Variants in RNFT2 observed in about 807,000 individuals in gnomAD.
The protein encoded by RNFT2 is E3 ubiquitin-protein ligase RNFT2.
Under a neutral mutation model 53.0 loss-of-function variants are expected in RNFT2, and 36 were observed. That is an observed-to-expected ratio of 0.68 (90% CI 0.52 to 0.90). The LOEUF (loss-of-function observed/expected upper bound fraction) is 0.90, where lower values mean the gene tolerates loss of function less well. Ranked by LOEUF, RNFT2 falls within the 40% of genes least tolerant of loss-of-function variation. The pLI is 0.00. For missense variants in RNFT2, 514 were observed against 585.6 expected (o/e 0.88, Z 1.26); for synonymous variants, 260 against 253.2 (o/e 1.03, Z -0.26).
At chr12:116,820,236 G>A (rs752088757) in intron 7 of RNFT2, among the ~76,000 whole-genome samples, 2 of 152,144 alleles carry the variant, frequency 1.3e-5, no homozygotes, top group African/African-American at 2.4e-5. Flanking sequence ...GTCTACAGGC[G>A]TGCGCCATCA....
intron 7 of RNFT2, among the ~76,000 whole-genome samples, chr12:116,799,509 C>T (rs1874663022): frequency 1.3e-5 from 2 of 152,164 alleles, no homozygotes; most frequent in Admixed American, 1.3e-4. Flanking sequence ...GCCCACCGCA[C>T]TATCTCAGAG....
chr12:116,788,066 T>C (rs927348017), intron 7 of RNFT2, among the ~76,000 whole-genome samples: 2 of 152,194 alleles, frequency 1.3e-5, no homozygotes, highest in Non-Finnish European at 2.9e-5. Context: ...AAGCTGGGAT[T>C]ACAGGCATGC....
rs1178996871 is a variant in RNFT2, at chr12:116,853,242, A to G, written c.*3794A>G. On this transcript the variant is annotated 3_prime_UTR_variant, in exon 11 of 11. Coordinates refer to ENST00000257575, the MANE Select transcript of RNFT2 (RefSeq NM_001382266.1). ...TCTCTTTTATGTATCTTGGTTCTGC[A>G]ACTCATTTGTTGTAAGTAGGGTTAA... The G allele has an allele frequency of 2.5e-6, 1 of 398,892 alleles. No individual in the cohort carries two copies. Among genetic ancestry groups the G allele is most frequent in the Non-Finnish European group, 4.4e-6 (1 of 226,366 alleles). 24.7% of individuals were successfully genotyped at this position (398,892 alleles called of 1,614,324 possible).
rs1566083555 is a variant in RNFT2 at position 116,794,695 on chromosome 12, G to GGAAGGAAGGAA, written c.882+15348_882+15349insAAGGAAGGAAG. Among the ~76,000 whole-genome samples the GGAAGGAAGGAA allele has an allele frequency of 1.8e-4, 24 of 135,784 alleles. 1 individual carries two copies. The highest frequency in any genetic ancestry group is 1.5e-4 in the Admixed American group (2 of 13,460). 89.1% of individuals were successfully genotyped at this position (135,784 alleles called of 152,430 possible). On this transcript the variant is annotated intron_variant, in intron 7 of 10. Coordinates refer to ENST00000257575, the MANE Select transcript of RNFT2 (RefSeq NM_001382266.1). ...GGAAGGGAGGGAGGGAGGGAGGGAA[G>GGAAGGAAGGAA]GGAAGGGAGGAAAGAAAGAAAGAAA...
intron 3 of RNFT2, among the ~76,000 whole-genome samples, chr12:116,741,373 A>G (rs975273727): frequency 6.6e-6 from 1 of 152,228 alleles, no homozygotes; most frequent in Non-Finnish European, 1.5e-5. Context: ...GGCTGCTATC[A>G]CAAAAATATC....
Position 116,741,371 on chromosome 12 carries a change from T to C in RNFT2, c.83+277T>C, listed in dbSNP as rs187613465. On this transcript the variant is annotated intron_variant, in intron 3 of 10. Transcript: ENST00000257575. ...ATGTCTTAGTCCATACAGGCTGCTA[T>C]CACAAAAATATCATAGAATGGGTGG... 6.2e-4 allele frequency among the ~76,000 whole-genome samples: 95 copies of C among 152,358 alleles called. 1 individual carries two copies. The highest frequency in any genetic ancestry group is 2.3e-3 in the African/African-American group (94 of 41,580).
chr12:116,755,149 G>GA (rs1245400720), intron 5 of RNFT2, among the ~76,000 whole-genome samples: 1 of 152,120 alleles, frequency 6.6e-6, no homozygotes, highest in Non-Finnish European at 1.5e-5. Context: ...AATCCATCTT[G>GA]AATTGATTTT....
chr12:116,755,701 A>G (rs1872475594), intron 5 of RNFT2: 34 of 1,506,230 alleles, frequency 2.3e-5, no homozygotes, highest in Non-Finnish European at 3.0e-5. Flanking sequence ...CAGTTTTGCC[A>G]TGGTAACACT....
At chr12:116,801,799 G>GTTTT (rs1264361379) in intron 7 of RNFT2, among the ~76,000 whole-genome samples, 5 of 143,042 alleles carry the variant, frequency 3.5e-5, no homozygotes, top group African/African-American at 1.5e-4. Context: ...TTTCTGTGGG[G>GTTTT]TTTTTTTTGT....
chr12:116,839,941 G>A (rs1435560926), intron 10 of RNFT2, among the ~76,000 whole-genome samples: 1 of 152,210 alleles, frequency 6.6e-6, no homozygotes, highest in Non-Finnish European at 1.5e-5. Context: ...AGCATGTCCT[G>A]AGGTTAGAAC....
chr12:116,802,503 T>A (rs1346651469), intron 7 of RNFT2, among the ~76,000 whole-genome samples: 1 of 152,166 alleles, frequency 6.6e-6, no homozygotes, highest in Non-Finnish European at 1.5e-5. Context: ...AAATATTTAC[T>A]GTCTGGTCCT....
At chr12:116,828,898 G>A (rs1255425363) in intron 7 of RNFT2, among the ~76,000 whole-genome samples, 1 of 152,010 alleles carries the variant, frequency 6.6e-6, no homozygotes, top group Non-Finnish European at 1.5e-5. Context: ...CCCTACAGGG[G>A]ACTCAGGAAG....
chr12:116,768,075 G>A (rs1872996719), intron 6 of RNFT2, among the ~76,000 whole-genome samples: 1 of 148,996 alleles, frequency 6.7e-6, no homozygotes, highest in Non-Finnish European at 1.5e-5. Flanking sequence ...CTGGAGATCA[G>A]AAACTTACTT....
Position 116,852,026 on chromosome 12 carries a change from G to C in RNFT2, c.*2578G>C. 1.5e-6 allele frequency: 2 copies of C among 1,319,920 alleles called. No individual in the cohort carries two copies. The highest frequency in any genetic ancestry group is 2.0e-6 in the Non-Finnish European group (2 of 989,158). The allele number at this position is 1,319,920 out of a possible 1,614,324, so 81.8% of individuals were successfully genotyped here. On this transcript the variant is annotated 3_prime_UTR_variant, in exon 11 of 11. Coordinates refer to ENST00000257575, the MANE Select transcript of RNFT2 (RefSeq NM_001382266.1). Reference sequence around the variant, plus strand: ...GGCATGGAGCACCGTAACCATCTGTGCTTCTGTGATCTCTATGACAGAGCC... The same window carrying C: ...GGCATGGAGCACCGTAACCATCTGTCCTTCTGTGATCTCTATGACAGAGCC...
At chr12:116,806,745 CAAAA>C (rs59532955) in intron 7 of RNFT2, among the ~76,000 whole-genome samples, 4 of 89,688 alleles carry the variant, frequency 4.5e-5, no homozygotes, top group Non-Finnish European at 1.0e-4. Context: ...GACCCTCTCT[CAAAA>C]AAAAAAAAAA....
Position 116,851,779 on chromosome 12 carries a change from G to A in RNFT2, c.*2331G>A, listed in dbSNP as rs779110439. The A allele has an allele frequency of 7.1e-5, 55 of 772,444 alleles. No homozygotes were observed. The highest frequency in any genetic ancestry group is 1.2e-4 in the Non-Finnish European group (54 of 459,958). The allele number at this position is 772,444 out of a possible 1,614,324, so 47.8% of individuals were successfully genotyped here. On this transcript the variant is annotated 3_prime_UTR_variant, in exon 11 of 11. Transcript: ENST00000257575. ...AGAAAGAAAGAAGGGAGGGAGGGAG[G>A]AAGGAAGGAAGGAAGGAAAGAAAGA... is the stretch of plus-strand genomic sequence containing the variant.
At chr12:116,741,651 A>T (rs1871614379) in intron 3 of RNFT2, among the ~76,000 whole-genome samples, 1 of 152,126 alleles carries the variant, frequency 6.6e-6, no homozygotes, top group Non-Finnish European at 1.5e-5. Context: ...ATCAAATTAC[A>T]GGTTAGGTTT....
At chr12:116,776,405 A>T (rs937717033) in intron 6 of RNFT2, among the ~76,000 whole-genome samples, 1 of 152,292 alleles carries the variant, frequency 6.6e-6, no homozygotes, top group Admixed American at 6.5e-5. Context: ...AAATCCACCA[A>T]CCAGCCTGGG....
chr12:116,819,871 T>G (rs4326894), intron 7 of RNFT2, among the ~76,000 whole-genome samples: 125,755 of 152,156 alleles, frequency 0.83, 52,998 homozygotes, highest in Non-Finnish European at 0.91. Flanking sequence ...AATATAAGAG[T>G]AGTCACACAG....
Sources: allele counts gnomAD v4.1 joint callset (sites outside exome capture counted in the v4.1 genomes callset), GRCh38; gene constraint gnomAD v4.1.1; transcripts MANE v1.5; gene names NCBI Gene and HGNC (gene_info 2026-07-23, HGNC 2026-07-21).